HPS4: variants seen among roughly 807,000 people sequenced by gnomAD.
The protein encoded by HPS4 is BLOC-3 complex member HPS4.
Under a neutral mutation model 70.3 loss-of-function variants are expected in HPS4, and 44 were observed. That is an observed-to-expected ratio of 0.63 (90% CI 0.49 to 0.80). The LOEUF (loss-of-function observed/expected upper bound fraction) is 0.80, where lower values mean the gene tolerates loss of function less well. Among genes scored for constraint, HPS4 ranks in the 30% least tolerant of loss-of-function variants. The pLI is 0.00. For missense variants in HPS4, 873 were observed against 884.4 expected (o/e 0.99, Z 0.16); for synonymous variants, 377 against 355.9 (o/e 1.06, Z -0.67).
intron 6 of HPS4, 112 bp from the exon 7 acceptor site, chr22:26,470,925 G>T (rs1255973558): frequency 1.3e-6 from 2 of 1,554,180 alleles, no homozygotes; most frequent in East Asian, 2.4e-5. Flanking sequence ...CTCAAAGCCT[G>T]GAAAAGGAGA....
At chr22:26,458,334 A>C in intron 12 of HPS4, 111 bp downstream of exon 12, 1 of 1,388,474 alleles carries the variant, frequency 7.2e-7, no homozygotes, top group Admixed American at 1.7e-5. Context: ...AACGCAGGTC[A>C]GACAACTCTG....
At position 26,452,621 on chromosome 22, in the gene HPS4, G is replaced by T; in HGVS notation, c.*612C>A. ...TTATTAAGGCTTGCCCCCATTGTGG[G>T]TCCAAAGAAGACGCCCCTAGATTTG... On this transcript the variant is annotated 3_prime_UTR_variant, in exon 14 of 14. Transcript: ENST00000398145. 3.7e-6 allele frequency: 1 copy of T among 269,954 alleles called. No individual in the cohort carries two copies. Among genetic ancestry groups the T allele is most frequent in the Non-Finnish European group, 7.3e-6 (1 of 136,188 alleles). 16.7% of individuals were successfully genotyped at this position (269,954 alleles called of 1,614,324 possible).
intron 3 of HPS4, among the ~76,000 whole-genome samples, chr22:26,445,862 C>T (rs2084936100): frequency 6.6e-6 from 1 of 152,192 alleles, no homozygotes; most frequent in Non-Finnish European, 1.5e-5. Flanking sequence ...ACATGTCCCT[C>T]AGTAGCTGTG....
In HPS4 at chr22:26,457,847, A is replaced by G; in HGVS notation, c.1955+12T>C. On this transcript the variant is annotated intron_variant, in intron 13 of 13. Transcript: ENST00000398145. ...TGGAGAGTAGGTTGGGGAGCGACTC[A>G]GGGAGGCTCACCTGACAGTCATTTC... 1 of 1,605,898 alleles carries G rather than the reference A, an allele frequency of 6.2e-7. No homozygotes were observed. The highest frequency in any genetic ancestry group is 8.5e-7 in the Non-Finnish European group (1 of 1,172,606).
At chr22:26,474,222 G>C (rs537098023) in intron 4 of HPS4, among the ~76,000 whole-genome samples, 16 of 152,226 alleles carry the variant, frequency 1.1e-4, no homozygotes, top group Non-Finnish European at 2.2e-4. Flanking sequence ...TACTCACACA[G>C]AATCTTCAAA....
chr22:26,475,613 A>C (rs2146887989), intron 4 of HPS4: 1 of 152,198 alleles, frequency 6.6e-6, no homozygotes, highest in East Asian at 1.9e-4. Context: ...TGGCCTCCCA[A>C]AGTGCTGGGA....
Position 26,481,809 on chromosome 22 carries a change from G to C in HPS4, c.-47C>G, listed in dbSNP as rs556695127. The stretch of plus-strand genomic sequence containing the variant: ...TCTCTTCATTTAGGTTTTCTTTTCC[G>C]GTATCACTTCTTTCTCCCTAGCTGT... On this transcript the variant is annotated 5_prime_UTR_variant, in exon 2 of 14. Coordinates refer to ENST00000398145, the MANE Select transcript of HPS4 (RefSeq NM_022081.6). 77 of 1,571,634 alleles carry C rather than the reference G, an allele frequency of 4.9e-5. No individual in the cohort carries two copies. Among genetic ancestry groups the C allele is most frequent in the Non-Finnish European group, 6.7e-5 (76 of 1,141,414 alleles).
chr22:26,479,405 G>C (rs776881100), intron 2 of HPS4, 50 bp from the exon 3 acceptor site: 11 of 1,602,158 alleles, frequency 6.9e-6, no homozygotes, highest in South Asian at 3.4e-5. Context: ...CAGTGATCAC[G>C]GCATTTAAAA....
chr22:26,449,323 A>ATTTTT (rs35895945), downstream of HPS4, among the ~76,000 whole-genome samples: 5 of 83,324 alleles, frequency 6.0e-5, no homozygotes, highest in African/African-American at 1.0e-4. Flanking sequence ...ACTCCCCTGC[A>ATTTTT]TTTTTTTTTT....
At chr22:26,468,411 A>G (rs2089125226) in intron 8 of HPS4, 140 bp downstream of exon 8, 2 of 740,224 alleles carry the variant, frequency 2.7e-6, no homozygotes, top group South Asian at 1.5e-5. Flanking sequence ...GAGGAGAATG[A>G]CATTGGAGGA....
At chr22:26,448,472 CTT>C (rs1031873099), downstream of HPS4, among the ~76,000 whole-genome samples, 83 of 152,336 alleles carry the variant, frequency 5.4e-4, no homozygotes, top group Middle Eastern at 3.4e-3. Context: ...CACAAGGTGT[CTT>C]TGAACAGCAC....
At chr22:26,466,426 A>C (rs545710775) in intron 8 of HPS4, 164 bp from the exon 9 acceptor site, 4 of 776,920 alleles carry the variant, frequency 5.1e-6, no homozygotes, top group Non-Finnish European at 8.8e-6. Flanking sequence ...AAGCTCCCCC[A>C]AGCTGCTGGC....
At chr22:26,483,602 C>T in intron 1 of HPS4, 72 bp downstream of exon 1, 1 of 267,448 alleles carries the variant, frequency 3.7e-6, no homozygotes. Flanking sequence ...AAGGATTAGG[C>T]GGGGTCGGGT....
At chr22:26,476,506 C>T (rs1161076694) in intron 4 of HPS4, 1 of 164,718 alleles carries the variant, frequency 6.1e-6, no homozygotes, top group Non-Finnish European at 1.3e-5. Context: ...GCCACCACAC[C>T]CGGTTAATTT....
intron 13 of HPS4, among the ~76,000 whole-genome samples, chr22:26,457,125 G>A (rs1437880102): frequency 6.6e-6 from 1 of 151,836 alleles, no homozygotes; most frequent in Non-Finnish European, 1.5e-5. Context: ...GTTATTTCCT[G>A]GTGTGTGATG....
intron 11 of HPS4, among the ~76,000 whole-genome samples, chr22:26,459,258 G>C (rs1034074102): frequency 2.0e-5 from 3 of 152,204 alleles, no homozygotes; most frequent in Non-Finnish European, 4.4e-5. Context: ...GTTCAGAAGA[G>C]GAATACAGTT....
intron 11 of HPS4, 117 bp downstream of exon 11, chr22:26,463,798 TCA>T: frequency 9.2e-7 from 1 of 1,081,120 alleles, no homozygotes; most frequent in Non-Finnish European, 1.4e-6. Context: ...TTGCCCAGGG[TCA>T]CACAACTGAG....
downstream of HPS4, among the ~76,000 whole-genome samples, chr22:26,448,819 T>C (rs1435141870): frequency 2.0e-5 from 3 of 152,120 alleles, no homozygotes; most frequent in Non-Finnish European, 2.9e-5. Context: ...TCAACAAATA[T>C]GTTGAAGAAA....
At chr22:26,450,108 G>A (rs945240661), downstream of HPS4, among the ~76,000 whole-genome samples, 3 of 152,174 alleles carry the variant, frequency 2.0e-5, no homozygotes, top group African/African-American at 7.2e-5. Flanking sequence ...TAGGGACCAC[G>A]GGATAAGCCA....
Sources: gnomAD v4.1 joint callset for allele counts (sites outside exome capture counted in the v4.1 genomes callset) on GRCh38, gnomAD v4.1.1 for gene constraint, MANE v1.5 for transcripts, NCBI Gene and HGNC (gene_info 2026-07-23, HGNC 2026-07-21) for gene names.